The following FILIP1L variants were observed in gnomAD, a reference collection of about 807,000 sequenced individuals.
FILIP1L encodes the protein filamin A interacting protein 1 like.
In FILIP1L, 55 loss-of-function variants were observed where a neutral mutation model predicts 96.6. The ratio of observed to expected loss-of-function variants is 0.57; its 90% CI spans 0.46 to 0.71. The LOEUF (loss-of-function observed/expected upper bound fraction) is 0.71. FILIP1L is among the 30% of genes least tolerant of loss of function. The probability of loss-of-function intolerance (pLI) is 0.00; values close to 1 mark genes in which losing one functional copy is unlikely to be tolerated. For synonymous variants in FILIP1L, 467 were observed against 473.9 expected, an observed-to-expected ratio of 0.99 and a Z score of 0.19; for missense variants, 1,304 against 1,321.2, an observed-to-expected ratio of 0.99 and a Z score of 0.20.
chr3:99,858,948 T>G (rs141578307), intron 4 of FILIP1L, among the ~76,000 whole-genome samples: 4 of 152,254 alleles, frequency 2.6e-5, no homozygotes, highest in African/African-American at 9.6e-5. Context: ...ACTGGCTTAG[T>G]CACTGCTTTG....
At chr3:99,903,149 G>C (rs1277245837) in intron 4 of FILIP1L, among the ~76,000 whole-genome samples, 6 of 152,074 alleles carry the variant, frequency 3.9e-5, no homozygotes, top group Admixed American at 2.0e-4. Context: ...CTCTCTCATA[G>C]GGTTGTTATG....
chr3:99,983,395 T>A (rs1270993031), intron 1 of FILIP1L, among the ~76,000 whole-genome samples: 195 of 105,496 alleles, frequency 1.8e-3, no homozygotes, highest in African/African-American at 7.7e-3. Context: ...AATAAATATA[T>A]ATATATATAT....
chr3:99,835,666 A>G (rs1382434901), intron 5 of FILIP1L, among the ~76,000 whole-genome samples: 1 of 152,240 alleles, frequency 6.6e-6, no homozygotes, highest in African/African-American at 2.4e-5. Context: ...CAATGACTGC[A>G]TTTTAAGAAA....
intron 1 of FILIP1L, among the ~76,000 whole-genome samples, chr3:100,060,515 A>C (rs932739774): frequency 4.6e-5 from 7 of 152,138 alleles, no homozygotes; most frequent in Non-Finnish European, 7.4e-5. Context: ...AAAATACATA[A>C]AAATGCTTAG....
In FILIP1L at chr3:99,930,834, G is replaced by T; in HGVS notation, c.187C>A (p.Gln63Lys). Reference sequence around the variant, plus strand: ...TCATCTCTTGAGAGGTCTTCTGCTTGGTGGCCATTACCACTGTGTGGCTTC... The same window carrying T: ...TCATCTCTTGAGAGGTCTTCTGCTTTGTGGCCATTACCACTGTGTGGCTTC... ...AEKPHSGNGH[Q>K]AEDLSRDDLL... is the part of the protein sequence containing the mutation. The change falls in exon 2 of 6, where the codon CAA (glutamine) becomes AAA (lysine). Residue 63 changes from glutamine to lysine, a missense_variant. By Grantham distance (53) the Gln-to-Lys change is moderately conservative (BLOSUM62 1). Transcript: ENST00000477258. 19 of 1,612,516 alleles carry T rather than the reference G, an allele frequency of 1.2e-5. No individual in the cohort carries two copies. The highest frequency in any genetic ancestry group is 1.6e-5 in the Non-Finnish European group (19 of 1,179,532).
At chr3:99,847,975 C>A in intron 5 of FILIP1L, 3 of 1,054,072 alleles carry the variant, frequency 2.8e-6, no homozygotes, top group Admixed American at 4.9e-5. Context: ...AGTATTTCAC[C>A]AAGACAAGTT....
At chr3:100,002,139 A>C (rs548740480) in intron 1 of FILIP1L, among the ~76,000 whole-genome samples, 2 of 152,330 alleles carry the variant, frequency 1.3e-5, no homozygotes, top group African/African-American at 4.8e-5. Flanking sequence ...CCTCCTGTAC[A>C]GACCTGTGTC....
At chr3:100,042,392 T>C (rs2065220079) in intron 1 of FILIP1L, among the ~76,000 whole-genome samples, 1 of 152,228 alleles carries the variant, frequency 6.6e-6, no homozygotes, top group Non-Finnish European at 1.5e-5. Context: ...AAATCTGTTA[T>C]CTGATGTTTC....
Position 100,051,941 on chromosome 3 carries a change from GTATAT to G in FILIP1L, c.-11+62107_-11+62111del, listed in dbSNP as rs2065381675. ...TTAAAATATATGTTTATAATATGAAGTATATTATATAAAATATTTTATGTATTTAT... is the reference window on the plus strand; with the variant it reads ...TTAAAATATATGTTTATAATATGAAGTATATAAAATATTTTATGTATTTAT... On this transcript the variant is annotated intron_variant, in intron 1 of 5. Coordinates refer to ENST00000477258, the MANE Select transcript of FILIP1L (RefSeq NM_001387850.1). Among the ~76,000 whole-genome samples, 3 of 148,324 alleles carry G rather than the reference GTATAT, an allele frequency of 2.0e-5. No individual in the cohort carries two copies. The Middle Eastern group carries it at 0.011, about 530-fold the overall frequency.
intron 1 of FILIP1L, among the ~76,000 whole-genome samples, chr3:100,107,877 TAAA>T (rs11322494): frequency 2.3e-5 from 3 of 130,044 alleles, no homozygotes; most frequent in Admixed American, 7.8e-5. Flanking sequence ...GCAAGAGAAT[TAAA>T]AAAAAAAAAA....
chr3:100,089,480 A>T (rs1175665850), intron 1 of FILIP1L, among the ~76,000 whole-genome samples: 1 of 152,232 alleles, frequency 6.6e-6, no homozygotes, highest in African/African-American at 2.4e-5. Context: ...TAAAGAGTAG[A>T]TGGAGATGAA....
At chr3:99,957,103 T>C (rs1708341885) in intron 1 of FILIP1L, among the ~76,000 whole-genome samples, 9 of 152,214 alleles carry the variant, frequency 5.9e-5, no homozygotes, top group Admixed American at 5.9e-4. Context: ...AAAATACTTG[T>C]GTTTATGTTT....
intron 1 of FILIP1L, among the ~76,000 whole-genome samples, chr3:99,955,954 G>A (rs1030081150): frequency 2.0e-5 from 3 of 152,212 alleles, no homozygotes; most frequent in African/African-American, 2.4e-5. Context: ...TTGTTATGAC[G>A]TATTTACTTG....
chr3:100,065,955 T>C (rs899128513), intron 1 of FILIP1L, among the ~76,000 whole-genome samples: 2 of 152,224 alleles, frequency 1.3e-5, no homozygotes, highest in African/African-American at 4.8e-5. Flanking sequence ...GGCCCCACAC[T>C]GGACCTTCTG....
chr3:99,878,727 C>T, intron 4 of FILIP1L, among the ~76,000 whole-genome samples: 1 of 152,196 alleles, frequency 6.6e-6, no homozygotes. Context: ...CACCATTTCA[C>T]TTCAAACGAA....
chr3:100,080,037 CA>C (rs1217386728), intron 1 of FILIP1L, among the ~76,000 whole-genome samples: 1 of 152,150 alleles, frequency 6.6e-6, no homozygotes, highest in Non-Finnish European at 1.5e-5. Context: ...TTAAATGCTT[CA>C]CAAAATTAAC....
At chr3:100,042,432 A>G (rs763959089) in intron 1 of FILIP1L, among the ~76,000 whole-genome samples, 7 of 152,226 alleles carry the variant, frequency 4.6e-5, no homozygotes, top group Non-Finnish European at 8.8e-5. Context: ...CCATCATGTA[A>G]TAAAATTCTC....
intron 4 of FILIP1L, among the ~76,000 whole-genome samples, chr3:99,889,980 C>T (rs774365501): frequency 5.9e-5 from 9 of 151,876 alleles, no homozygotes; most frequent in African/African-American, 1.5e-4. Context: ...ACACTTTCTT[C>T]GCCTCTTATT....
intron 5 of FILIP1L, 24 bp from the exon 6 acceptor site, chr3:99,830,629 A>G (rs1445753381): frequency 2.2e-6 from 1 of 456,340 alleles, no homozygotes; most frequent in Middle Eastern, 3.3e-4. Context: ...AGAGAACAAA[A>G]GGTAATTAAT....
Sources: gnomAD v4.1 joint callset for allele counts (sites outside exome capture counted in the v4.1 genomes callset) on GRCh38, gnomAD v4.1.1 for gene constraint, MANE v1.5 for transcripts, NCBI Gene and HGNC (gene_info 2026-07-23, HGNC 2026-07-21) for gene names.